The following MMP28 variants were observed in gnomAD, a reference collection of about 807,000 sequenced individuals.
MMP28 encodes matrix metalloproteinase-28.
In MMP28, 55 loss-of-function variants were observed where a neutral mutation model predicts 60.5. The observed-to-expected ratio is 0.91, with a 90% CI of 0.73 to 1.14. The LOEUF is 1.14. Ranked by LOEUF, MMP28 falls within the 50% of genes most tolerant of loss-of-function variation. The pLI, the probability that MMP28 is intolerant of heterozygous loss-of-function variation, is 0.00. For missense variants in MMP28, 686 were observed against 738.3 expected, an observed-to-expected ratio of 0.93 and a Z score of 0.82; for synonymous variants, 318 against 312.5, an observed-to-expected ratio of 1.02 and a Z score of -0.18.
intron 4 of MMP28, among the ~76,000 whole-genome samples, chr17:35,771,819 G>T (rs1435920730): frequency 6.9e-6 from 1 of 145,400 alleles, no homozygotes; most frequent in Non-Finnish European, 1.5e-5. Context: ...CTTCTAATAG[G>T]AATGAGCAGA....
intron 1 of MMP28, among the ~76,000 whole-genome samples, chr17:35,794,023 G>A (rs1204699785): frequency 2.0e-5 from 3 of 151,604 alleles, no homozygotes; most frequent in African/African-American, 4.8e-5. Context: ...GCTTGAACCC[G>A]GGAGGTAGAG....
intron 3 of MMP28, among the ~76,000 whole-genome samples, chr17:35,774,627 AC>A (rs2086269751): frequency 6.6e-6 from 1 of 152,178 alleles, no homozygotes; most frequent in African/African-American, 2.4e-5. Flanking sequence ...TCTTCTCCTC[AC>A]CAATGCAAGT....
intron 1 of MMP28, among the ~76,000 whole-genome samples, chr17:35,782,831 A>T (rs112817893): frequency 4.0e-5 from 6 of 148,476 alleles, no homozygotes; most frequent in African/African-American, 1.5e-4. Context: ...TTTTTTTTTT[A>T]ATTTTTATTT....
intron 3 of MMP28, among the ~76,000 whole-genome samples, chr17:35,774,076 T>C (rs2086252800): frequency 6.6e-6 from 1 of 152,180 alleles, no homozygotes; most frequent in Non-Finnish European, 1.5e-5. Context: ...ACAAAGCGTG[T>C]GTTTTGTCAC....
intron 3 of MMP28, among the ~76,000 whole-genome samples, chr17:35,774,727 A>T (rs1033621188): frequency 6.6e-6 from 1 of 152,138 alleles, no homozygotes; most frequent in African/African-American, 2.4e-5. Context: ...CCTGGCAGCC[A>T]CCCAACCTCT....
At chr17:35,764,017 C>G, downstream of MMP28, 1 of 1,543,764 alleles carries the variant, frequency 6.5e-7, no homozygotes, top group Non-Finnish European at 8.8e-7. Flanking sequence ...GTGTGAAGAC[C>G]CCCTTGTGGA....
chr17:35,768,453 C>G, intron 5 of MMP28, 74 bp from the exon 6 acceptor site: 1 of 1,219,784 alleles, frequency 8.2e-7, no homozygotes, highest in South Asian at 1.8e-5. Context: ...TCAAGACCTT[C>G]CCTTGGTTAC....
At chr17:35,760,011 T>G (rs2085788627) in intron 2 of MMP28, among the ~76,000 whole-genome samples, 1 of 152,186 alleles carries the variant, frequency 6.6e-6, no homozygotes, top group Non-Finnish European at 1.5e-5. Context: ...CCCTTGTGAC[T>G]ACGAGATTCC....
chr17:35,782,409 G>A (rs1426111321), intron 1 of MMP28, among the ~76,000 whole-genome samples: 2 of 152,120 alleles, frequency 1.3e-5, no homozygotes, highest in African/African-American at 2.4e-5. Flanking sequence ...CTGTCTCAAG[G>A]AAAATGCACA....
chr17:35,763,261 C>A (rs1439534423), downstream of MMP28, among the ~76,000 whole-genome samples: 1 of 151,848 alleles, frequency 6.6e-6, no homozygotes, highest in East Asian at 1.9e-4. Flanking sequence ...ATAGTGAGAC[C>A]CTGTCTCAAA....
At chr17:35,788,088 A>T (rs2086706845) in intron 1 of MMP28, among the ~76,000 whole-genome samples, 1 of 150,154 alleles carries the variant, frequency 6.7e-6, no homozygotes, top group Admixed American at 6.6e-5. Context: ...TAATTTTTGT[A>T]GAGATGGGGG....
intron 2 of MMP28, among the ~76,000 whole-genome samples, chr17:35,760,121 T>C (rs1169687015): frequency 6.6e-6 from 1 of 152,168 alleles, no homozygotes; most frequent in Non-Finnish European, 1.5e-5. Flanking sequence ...ACTCTCAGAC[T>C]TGGATGGAGG....
intron 3 of MMP28, 129 bp downstream of exon 3, chr17:35,778,759 C>T: frequency 6.4e-7 from 1 of 1,556,236 alleles, no homozygotes; most frequent in Admixed American, 1.9e-5. Context: ...GTCCTATTCA[C>T]CCACTCCTCC....
At chr17:35,785,247 G>A (rs989907236) in intron 1 of MMP28, among the ~76,000 whole-genome samples, 3 of 152,056 alleles carry the variant, frequency 2.0e-5, no homozygotes, top group South Asian at 2.1e-4. Context: ...CCATTTCTGC[G>A]CAGGGCAGGA....
At chr17:35,785,177 T>C (rs1027731803) in intron 1 of MMP28, among the ~76,000 whole-genome samples, 4 of 152,126 alleles carry the variant, frequency 2.6e-5, no homozygotes, top group Non-Finnish European at 5.9e-5. Flanking sequence ...AGTCCTGACT[T>C]GTCCTGGGAG....
chr17:35,794,896 C>A (rs2086922519), intron 1 of MMP28, among the ~76,000 whole-genome samples: 1 of 152,220 alleles, frequency 6.6e-6, no homozygotes, highest in Non-Finnish European at 1.5e-5. Context: ...TCCACAGCAC[C>A]AAACTGAGGC....
intron 2 of MMP28, among the ~76,000 whole-genome samples, chr17:35,760,027 GC>G (rs1555601233): frequency 6.6e-6 from 1 of 152,108 alleles, no homozygotes; most frequent in East Asian, 1.9e-4. Flanking sequence ...ATTCCTGGGG[GC>G]CAGGTCTGCT....
At chr17:35,784,008 T>G (rs1399352673) in intron 1 of MMP28, among the ~76,000 whole-genome samples, 1 of 152,112 alleles carries the variant, frequency 6.6e-6, no homozygotes, top group East Asian at 1.9e-4. Flanking sequence ...GAAGTGGCTG[T>G]GCGTAGTCAT....
In MMP28 at chr17:35,795,380, C is replaced by CGGT. The variant is rs747425586; in HGVS notation, c.-4_-3insACC. On this transcript the variant is annotated 5_prime_UTR_variant, in exon 1 of 8. Transcript: ENST00000605424. ...AGGAGGCCGACGCGCGCGACCATCT[C>CGGT]GCCGCCTCCGGTGCAGCCCGGCTCG... 1 of 1,433,060 alleles carries CGGT rather than the reference C, an allele frequency of 7.0e-7. No homozygotes were observed. Among genetic ancestry groups the CGGT allele is most frequent in the South Asian group, 1.4e-5 (1 of 69,494 alleles). The allele number at this position is 1,433,060 out of a possible 1,614,324, so 88.8% of individuals were successfully genotyped here.
Sources: allele counts gnomAD v4.1 joint callset (sites outside exome capture counted in the v4.1 genomes callset), GRCh38; gene constraint gnomAD v4.1.1; transcripts MANE v1.5; gene names NCBI Gene and HGNC (gene_info 2026-07-23, HGNC 2026-07-21).